Variants in PLEKHO1 observed in about 807,000 individuals in gnomAD.
PLEKHO1 encodes the protein pleckstrin homology domain-containing family O member 1.
In PLEKHO1, 22 loss-of-function variants were observed where a neutral mutation model predicts 41.4. That is an observed-to-expected ratio of 0.53 (90% CI 0.38 to 0.76). The LOEUF is 0.76. Ranked by LOEUF, PLEKHO1 falls within the 30% of genes least tolerant of loss-of-function variation. The pLI, the probability that PLEKHO1 is intolerant of heterozygous loss-of-function variation, is 0.00. For missense variants in PLEKHO1, 488 were observed against 518.3 expected, an observed-to-expected ratio of 0.94 and a Z score of 0.57; for synonymous variants, 225 against 210.8, an observed-to-expected ratio of 1.07 and a Z score of -0.58.
intron 1 of PLEKHO1, chr1:150,150,636 A>T (rs1659863461): frequency 1.5e-5 from 5 of 326,384 alleles, no homozygotes; most frequent in Middle Eastern, 9.3e-4. Flanking sequence ...GCGGGGGCGC[A>T]GGGCCTGGAG....
chr1:150,155,984 T>G, intron 2 of PLEKHO1, 82 bp from the exon 3 acceptor site: 3 of 1,347,222 alleles, frequency 2.2e-6, no homozygotes, highest in Non-Finnish European at 3.1e-6. Flanking sequence ...TTCCTCTGTT[T>G]CCCAAGATGA....
chr1:150,157,887 C>T (rs59607464), intron 5 of PLEKHO1, among the ~76,000 whole-genome samples: 22,270 of 152,060 alleles, frequency 0.15, 1,766 homozygotes, highest in Non-Finnish European at 0.17. Context: ...CTTAAGTCTT[C>T]AGAGAGAGAG....
At chr1:150,156,767 G>A in intron 3 of PLEKHO1, 144 bp from the exon 4 acceptor site, 1 of 622,418 alleles carries the variant, frequency 1.6e-6, no homozygotes, top group Non-Finnish European at 2.9e-6. Flanking sequence ...GTTTCCTTAA[G>A]TTATGGATGA....
rs797034657 is a variant in PLEKHO1, at chr1:150,156,791, A to G, written c.319-120A>G. 2.4e-5 allele frequency: 17 copies of G among 694,822 alleles called. No individual in the cohort carries two copies. The African/African-American group carries it at 3.0e-4, about 12-fold the overall frequency. The allele number at this position is 694,822 out of a possible 1,614,324, so 43.0% of individuals were successfully genotyped here. ...AGTTATGGATGACTCTGGAAGCAGA[A>G]TATCTCTCCTTCCTGGAGCTAGGTC... On this transcript the variant is annotated intron_variant, in intron 3 of 5. Coordinates refer to ENST00000369124, the MANE Select transcript of PLEKHO1 (RefSeq NM_016274.6).
Position 150,150,067 on chromosome 1 carries a change from G to T in PLEKHO1, c.-191G>T. 6.2e-6 allele frequency: 1 copy of T among 162,302 alleles called. No homozygotes were observed. Among genetic ancestry groups the T allele is most frequent in the Non-Finnish European group, 1.3e-5 (1 of 76,576 alleles). The allele number at this position is 162,302 out of a possible 1,614,324, so 10.1% of individuals were successfully genotyped here. A position where few individuals can be genotyped will look rare whatever the true frequency, so the allele number is the denominator to read the frequency against. On this transcript the variant is annotated 5_prime_UTR_variant, in exon 1 of 6. It introduces an in-frame stop codon into an upstream open reading frame of the 5' UTR. Transcript: ENST00000369124. ...TGTGTGTGCGAGTGCGAATGCGAGG[G>T]AGGCCGGCCTTGAGTGAAACCGGAG...
chr1:150,157,679 C>A (rs1660232461), intron 5 of PLEKHO1, among the ~76,000 whole-genome samples, 193 bp downstream of exon 5: 1 of 152,164 alleles, frequency 6.6e-6, no homozygotes, highest in Non-Finnish European at 1.5e-5. Flanking sequence ...ATTAGGAGTT[C>A]AAAAGTCCCA....
chr1:150,150,497 CCACGACCCG>C (rs1249415874), intron 1 of PLEKHO1: 2 of 164,108 alleles, frequency 1.2e-5, no homozygotes, highest in African/African-American at 4.8e-5. Flanking sequence ...CTGAGTTTCC[CCACGACCCG>C]CACCTCCCCC....
intron 4 of PLEKHO1, 78 bp from the exon 5 acceptor site, chr1:150,157,294 AATGGAGTGGGCAC>A (rs1660212575): frequency 1.0e-6 from 1 of 956,764 alleles, no homozygotes; most frequent in Non-Finnish European, 1.7e-6. Context: ...AGAAGCAGTG[AATGGAGTGGGCAC>A]ATGTTCAGGC....
chr1:150,157,067 G>A (rs892353044), intron 4 of PLEKHO1, 52 bp downstream of exon 4: 3 of 1,157,240 alleles, frequency 2.6e-6, no homozygotes, highest in Middle Eastern at 2.0e-4. Context: ...AGAGGGAACA[G>A]CTGTGACCCA....
chr1:150,150,278 C>T lies in PLEKHO1; in HGVS notation c.21C>T (p.Ser7=), dbSNP rs587751164. The T allele has an allele frequency of 1.3e-3, 1,413 of 1,122,372 alleles. 7 individuals carry two copies. In the Middle Eastern group the frequency reaches 0.016, roughly 13 times the overall value. The allele number at this position is 1,122,372 out of a possible 1,614,324, so 69.5% of individuals were successfully genotyped here. MMKKNN[S]AKRGPQDGNQ... ...TGGGAATGATGAAGAAGAACAATTC[C>T]GCCAAGCGGGTGAGTGCGCTTGCCC... The change falls in exon 1 of 6, where the codon TCC becomes TCT. Residue 7 remains serine (S), a synonymous_variant. Transcript: ENST00000369124.
At chr1:150,156,356 A>G (rs1660167692) in intron 3 of PLEKHO1, 150 bp downstream of exon 3, 1 of 676,962 alleles carries the variant, frequency 1.5e-6, no homozygotes, top group Non-Finnish European at 2.5e-6. Flanking sequence ...TCACCTGAGA[A>G]TATTGTAGCC....
chr1:150,158,408 A>G (rs1553820892), intron 5 of PLEKHO1, among the ~76,000 whole-genome samples: 1 of 152,174 alleles, frequency 6.6e-6, no homozygotes, highest in African/African-American at 2.4e-5. Context: ...GGGCTTTGCC[A>G]GGCAGGGGGG....
chr1:150,159,322 G>A lies in PLEKHO1; in HGVS notation c.1029G>A (p.Pro343=), dbSNP rs782012778. 48 of 1,614,078 alleles carry A rather than the reference G, an allele frequency of 3.0e-5. No homozygotes were observed. The highest frequency in any genetic ancestry group is 1.2e-4 in the South Asian group (11 of 91,078). ...KRKAKDPPRS[P]PDSESEQLLL... The stretch of plus-strand genomic sequence containing the variant: ...AGGCCAAGGACCCCCCTCGGTCTCC[G>A]CCGGATTCTGAGTCAGAGCAGCTGC... Residue 343 remains proline, a synonymous_variant, in exon 6 of 6, where the codon CCG becomes CCA. Coordinates refer to ENST00000369124, the MANE Select transcript of PLEKHO1 (RefSeq NM_016274.6).
intron 2 of PLEKHO1, 22 bp from the exon 3 acceptor site, chr1:150,156,044 C>T (rs146401128): frequency 2.0e-5 from 32 of 1,608,046 alleles, no homozygotes; most frequent in Non-Finnish European, 2.6e-5. Flanking sequence ...ATCCTCCTCA[C>T]CTCACCCCAA....
chr1:150,157,225 C>T, intron 4 of PLEKHO1, 160 bp from the exon 5 acceptor site: 1 of 717,798 alleles, frequency 1.4e-6, no homozygotes, highest in Non-Finnish European at 2.5e-6. Flanking sequence ...GATGGGGGAG[C>T]CAGCCTTGGG....
In PLEKHO1 at chr1:150,159,078, C is replaced by A. The variant is rs781992298; in HGVS notation, c.785C>A (p.Thr262Lys). ...TYTPQAPKKLTPTEKGRCASL... is the reference protein window; with the variant it reads ...TYTPQAPKKLKPTEKGRCASL... ...ACCCCCCAGGCACCCAAGAAGTTGA[C>A]GCCCACAGAGAAAGGCCGCTGCGCC... Residue 262 changes from threonine (T) to lysine (K), a missense_variant, in exon 6 of 6, where the codon ACG (threonine) becomes AAG (lysine). Physicochemically the swap from Thr to Lys is moderately conservative, Grantham distance 78 (BLOSUM62 -1). Transcript: ENST00000369124. 13 of 1,614,082 alleles carry A rather than the reference C, an allele frequency of 8.1e-6. No individual in the cohort carries two copies. The highest frequency in any genetic ancestry group is 1.0e-5 in the Non-Finnish European group (12 of 1,179,980).
chr1:150,152,928 G>A (rs1329926385), intron 2 of PLEKHO1: 1 of 152,150 alleles, frequency 6.6e-6, no homozygotes, highest in East Asian at 1.9e-4. Context: ...CAGAGACAGA[G>A]GAAAGGATGG....
chr1:150,157,100 G>T, intron 4 of PLEKHO1, 85 bp downstream of exon 4: 5 of 888,550 alleles, frequency 5.6e-6, no homozygotes, highest in Non-Finnish European at 9.5e-6. Context: ...GATTGTGCAG[G>T]CCCCGTTTAC....
At chr1:150,151,141 C>T (rs1216205065) in intron 2 of PLEKHO1, 83 bp downstream of exon 2, 1 of 1,513,154 alleles carries the variant, frequency 6.6e-7, no homozygotes, top group East Asian at 2.3e-5. Flanking sequence ...GCTTACTCCA[C>T]CCCCGTTTTG....
Sources: allele counts gnomAD v4.1 joint callset (sites outside exome capture counted in the v4.1 genomes callset), GRCh38; gene constraint gnomAD v4.1.1; transcripts MANE v1.5; gene names NCBI Gene and HGNC (gene_info 2026-07-23, HGNC 2026-07-21).